Variants in KALRN observed in about 807,000 individuals in gnomAD.
KALRN encodes the protein kalirin.
A neutral mutation model predicts 353.7 loss-of-function variants in KALRN; 70 were observed. The observed-to-expected ratio is 0.20, with a 90% CI of 0.16 to 0.24. KALRN has a LOEUF of 0.24. Among genes scored for constraint, KALRN ranks in the 10% least tolerant of loss-of-function variants. The pLI is 1.00. For missense variants in KALRN, 2,791 were observed against 3,756.7 expected, an observed-to-expected ratio of 0.74 and a Z score of 6.72; for synonymous variants, 1,391 against 1,434.8, an observed-to-expected ratio of 0.97 and a Z score of 0.69.
chr3:124,568,353 A>C (rs1421111856), intron 34 of KALRN, among the ~76,000 whole-genome samples: 1 of 152,260 alleles, frequency 6.6e-6, no homozygotes, highest in Non-Finnish European at 1.5e-5. Context: ...CACAGAAAAT[A>C]ACAAGTGTTA....
At chr3:124,198,656 C>CT (rs1319194695) in intron 1 of KALRN, among the ~76,000 whole-genome samples, 1 of 152,120 alleles carries the variant, frequency 6.6e-6, no homozygotes, top group African/African-American at 2.4e-5. Context: ...CATGAGTGAG[C>CT]TTTTTTGGAG....
At chr3:124,242,743 C>T (rs1449248295) in intron 3 of KALRN, among the ~76,000 whole-genome samples, 1 of 152,118 alleles carries the variant, frequency 6.6e-6, no homozygotes, top group East Asian at 1.9e-4. Flanking sequence ...CTTCTGCTGG[C>T]CAAGGCAACC....
chr3:124,131,866 G>A (rs1195162272), intron 1 of KALRN, among the ~76,000 whole-genome samples: 1 of 152,180 alleles, frequency 6.6e-6, no homozygotes, highest in East Asian at 1.9e-4. Context: ...TGTGACACAA[G>A]GCAATCTGTT....
chr3:124,205,405 T>C (rs2150435215), intron 1 of KALRN, among the ~76,000 whole-genome samples: 1 of 152,364 alleles, frequency 6.6e-6, no homozygotes, highest in East Asian at 1.9e-4. Flanking sequence ...TCGCAGCTCC[T>C]ACTTGACAGT....
At chr3:124,052,541 T>C (rs2041140865) in intron 1 of KALRN, among the ~76,000 whole-genome samples, 9 of 152,166 alleles carry the variant, frequency 5.9e-5, no homozygotes, top group Admixed American at 5.9e-4. Flanking sequence ...GTCCAGAATC[T>C]TCTTTTCTTA....
intron 10 of KALRN, among the ~76,000 whole-genome samples, chr3:124,358,409 G>A (rs977502485): frequency 1.3e-5 from 2 of 151,990 alleles, no homozygotes; most frequent in Admixed American, 6.6e-5. Flanking sequence ...TTAAAAACTC[G>A]CTGTTATTAC....
chr3:124,371,116 C>A (rs80272984), intron 10 of KALRN, among the ~76,000 whole-genome samples: 15 of 152,298 alleles, frequency 9.8e-5, no homozygotes, highest in Non-Finnish European at 1.6e-4. Context: ...TCATGTTGCT[C>A]TGATTGGGGC....
chr3:124,179,882 C>T (rs959674483), intron 1 of KALRN, among the ~76,000 whole-genome samples: 1 of 152,178 alleles, frequency 6.6e-6, no homozygotes, highest in African/African-American at 2.4e-5. Flanking sequence ...CACCTAGTTT[C>T]GGACCGAGGC....
chr3:124,621,246 G>A (rs13067286), intron 34 of KALRN, among the ~76,000 whole-genome samples: 65,832 of 151,966 alleles, frequency 0.43, 14,528 homozygotes, highest in Middle Eastern at 0.55. Flanking sequence ...AACTAGAAAC[G>A]AACTAAGATG....
chr3:124,590,324 A>G (rs2075649570), intron 34 of KALRN, among the ~76,000 whole-genome samples: 1 of 152,210 alleles, frequency 6.6e-6, no homozygotes. Flanking sequence ...CTCCTGTGGT[A>G]CAGCTGCATG....
chr3:124,081,404 C>T lies in KALRN; in HGVS notation c.73+47591C>T, dbSNP rs530724059. Among the ~76,000 whole-genome samples the T allele has an allele frequency of 7.2e-5, 11 of 152,308 alleles. No homozygotes were observed. The South Asian group carries it at 2.3e-3, about 32-fold the overall frequency. On this transcript the variant is annotated intron_variant, in intron 1 of 59. Coordinates refer to ENST00000682506, the MANE Select transcript of KALRN (RefSeq NM_001388419.1). ...CTGTCTGATGGCTGAGACATAGCTG[C>T]TTTAGTGAAAAGCTCATGGGTTATA...
At chr3:124,154,464 A>G (rs1278859059) in intron 1 of KALRN, among the ~76,000 whole-genome samples, 1 of 152,210 alleles carries the variant, frequency 6.6e-6, no homozygotes, top group Non-Finnish European at 1.5e-5. Flanking sequence ...TTATACACGA[A>G]TAACAGACAA....
In KALRN at chr3:124,326,024, C is replaced by T. The variant is rs771407393; in HGVS notation, c.1137C>T (p.Arg379=). 6.2e-7 allele frequency: 1 copy of T among 1,613,542 alleles called. No individual in the cohort carries two copies. Among genetic ancestry groups the T allele is most frequent in the East Asian group, 2.2e-5 (1 of 44,874 alleles). ...NINRIMSVAS[R]LSEAGHYASQ... is the part of the protein sequence containing the mutation. The stretch of plus-strand genomic sequence containing the variant: ...ACCGCATCATGTCCGTGGCTTCCCG[C>T]CTCTCTGAGGCCGGTCATTATGCCT... The change falls in exon 7 of 60, where the codon CGC becomes CGT. Residue 379 remains arginine (R), a synonymous_variant. Transcript: ENST00000682506.
At position 124,676,720 on chromosome 3, in the gene KALRN, A is replaced by G. The variant is rs770898334; in HGVS notation, c.7194-1470A>G. 4.6e-5 allele frequency among the ~76,000 whole-genome samples: 7 copies of G among 152,324 alleles called. No homozygotes were observed. In the South Asian group the frequency reaches 1.5e-3, roughly 32 times the overall value. On this transcript the variant is annotated intron_variant, in intron 49 of 59. Coordinates refer to ENST00000682506, the MANE Select transcript of KALRN (RefSeq NM_001388419.1). ...TGCCCTGGGAGTCCTTTCAGCAGGGATCTCCCTGACTCAAGTTGTTCTCAG... is the reference window on the plus strand; with the variant it reads ...TGCCCTGGGAGTCCTTTCAGCAGGGGTCTCCCTGACTCAAGTTGTTCTCAG...
chr3:124,391,672 T>A (rs1352038216), intron 11 of KALRN, among the ~76,000 whole-genome samples: 4 of 152,210 alleles, frequency 2.6e-5, no homozygotes, highest in Non-Finnish European at 4.4e-5. Flanking sequence ...TACTCATGGT[T>A]TAGTAGCACC....
At chr3:124,664,130 T>G (rs2085248898) in intron 45 of KALRN, among the ~76,000 whole-genome samples, 1 of 148,562 alleles carries the variant, frequency 6.7e-6, no homozygotes, top group Non-Finnish European at 1.5e-5. Context: ...ACATTTTCCC[T>G]TGGCGTTACA....
At chr3:124,582,637 A>G (rs537658383) in intron 34 of KALRN, among the ~76,000 whole-genome samples, 1 of 152,326 alleles carries the variant, frequency 6.6e-6, no homozygotes, top group African/African-American at 2.4e-5. Context: ...GAGATAGTAT[A>G]TGGAGAACAT....
At chr3:124,543,333 A>G (rs1337757314) in intron 33 of KALRN, among the ~76,000 whole-genome samples, 2 of 148,190 alleles carry the variant, frequency 1.3e-5, no homozygotes, top group African/African-American at 2.5e-5. Flanking sequence ...ACGGAATCTC[A>G]CTCTGTCCCC....
chr3:124,155,002 A>G (rs1466373735), intron 1 of KALRN, among the ~76,000 whole-genome samples: 1 of 152,248 alleles, frequency 6.6e-6, no homozygotes, highest in Non-Finnish European at 1.5e-5. Context: ...AAAACAAGCA[A>G]TGGGGAAAGG....
Sources: allele counts gnomAD v4.1 joint callset (sites outside exome capture counted in the v4.1 genomes callset), GRCh38; gene constraint gnomAD v4.1.1; transcripts MANE v1.5; gene names NCBI Gene and HGNC (gene_info 2026-07-23, HGNC 2026-07-21).